CDC42BPG: variants seen among roughly 807,000 people sequenced by gnomAD.
The protein encoded by CDC42BPG is serine/threonine-protein kinase MRCK gamma.
In CDC42BPG, 157 loss-of-function variants were observed where a neutral mutation model predicts 192.2. The ratio of observed to expected loss-of-function variants is 0.82; its 90% CI spans 0.72 to 0.93. The LOEUF is 0.93. Ranked by LOEUF, CDC42BPG falls within the 40% of genes least tolerant of loss-of-function variation. The probability of loss-of-function intolerance (pLI) is 0.00; values close to 1 mark genes in which losing one functional copy is unlikely to be tolerated. For synonymous variants in CDC42BPG, 981 were observed against 918.5 expected (o/e 1.07, Z -1.23); for missense variants, 1,992 against 2,122.1 (o/e 0.94, Z 1.20).
chr11:64,827,438 C>T (rs763695044), intron 32 of CDC42BPG, 40 bp from the exon 33 acceptor site: 1 of 1,605,606 alleles, frequency 6.2e-7, no homozygotes, highest in South Asian at 1.1e-5. Context: ...CTCACACATT[C>T]CCGGGGCCCA....
rs141134240 is a variant in CDC42BPG, at chr11:64,839,535, G to A, written c.618C>T (p.Asn206=). The A allele has an allele frequency of 1.2e-4, 200 of 1,613,110 alleles. No homozygotes were observed. Among genetic ancestry groups the A allele is most frequent in the African/African-American group, 7.2e-4 (54 of 75,074 alleles). The part of the protein sequence containing the change: ...VKPDNVLLDV[N]GHIRLADFGS... The stretch of plus-strand genomic sequence containing the variant: ...CGAAGTCAGCCAGGCGAATGTGCCC[G>A]TTCACATCCAGCAGGACGTTGTCTG... Residue 206 remains asparagine (N), a synonymous_variant, in exon 6 of 37, where the codon AAC becomes AAT. Transcript: ENST00000342711.
chr11:64,825,033 C>T (rs1414744869), intron 36 of CDC42BPG, among the ~76,000 whole-genome samples: 3 of 152,104 alleles, frequency 2.0e-5, no homozygotes, highest in Non-Finnish European at 2.9e-5. Context: ...TCTCCTGCCT[C>T]GGCCCACCAG....
intron 3 of CDC42BPG, among the ~76,000 whole-genome samples, chr11:64,841,172 G>C (rs1943264905): frequency 6.8e-6 from 1 of 146,716 alleles, no homozygotes; most frequent in Non-Finnish European, 1.5e-5. Context: ...TTTATTGTAG[G>C]CTGGGCACGG....
intron 6 of CDC42BPG, 55 bp downstream of exon 6, chr11:64,839,423 T>G: frequency 7.7e-7 from 1 of 1,300,436 alleles, no homozygotes; most frequent in South Asian, 1.3e-5. Flanking sequence ...CCCATTTTCC[T>G]GAGAGCTTGG....
intron 28 of CDC42BPG, among the ~76,000 whole-genome samples, chr11:64,830,838 G>A (rs1942651090): frequency 1.3e-5 from 2 of 152,238 alleles, no homozygotes; most frequent in Non-Finnish European, 2.9e-5. Context: ...ATGTTATGAG[G>A]CTCTGGGTGG....
intron 30 of CDC42BPG, 120 bp downstream of exon 30, chr11:64,829,351 G>C: frequency 7.7e-7 from 1 of 1,302,458 alleles, no homozygotes; most frequent in Non-Finnish European, 1.1e-6. Context: ...TGTTGGGCTG[G>C]AGGATGCAAA....
At chr11:64,830,117 G>A in intron 29 of CDC42BPG, 47 bp from the exon 30 acceptor site, 2 of 1,611,662 alleles carry the variant, frequency 1.2e-6, no homozygotes, top group Non-Finnish European at 1.7e-6. Flanking sequence ...TGGTTGAAGA[G>A]TGACCCATCC....
chr11:64,830,876 G>C (rs1165162835), intron 28 of CDC42BPG, among the ~76,000 whole-genome samples: 1 of 152,210 alleles, frequency 6.6e-6, no homozygotes, highest in Non-Finnish European at 1.5e-5. Flanking sequence ...CAGTCCCCCA[G>C]CTTGTAGTGA....
intron 3 of CDC42BPG, 128 bp downstream of exon 3, chr11:64,841,522 C>G (rs1592725816): frequency 4.2e-6 from 3 of 708,548 alleles, no homozygotes. Flanking sequence ...TCAGTGGCTG[C>G]TGAGGGTGGC....
At position 64,836,108 on chromosome 11, in the gene CDC42BPG, G is replaced by T; in HGVS notation, c.1668+9C>A. On this transcript the variant is annotated intron_variant, in intron 13 of 36. Coordinates refer to ENST00000342711, the MANE Select transcript of CDC42BPG (RefSeq NM_017525.3). ...CCAGGTGCTGTCCCTACCCACCCTG[G>T]TCACTCACCTCCCTCTGGGCAGCCC... The T allele has an allele frequency of 1.3e-6, 2 of 1,594,254 alleles. No individual in the cohort carries two copies. Among genetic ancestry groups the T allele is most frequent in the Admixed American group, 1.7e-5 (1 of 57,968 alleles).
intron 17 of CDC42BPG, 30 bp downstream of exon 17, chr11:64,835,017 T>A (rs1942908806): frequency 6.6e-7 from 1 of 1,512,044 alleles, no homozygotes; most frequent in Non-Finnish European, 9.1e-7. Flanking sequence ...TCGCCTGCGT[T>A]CCCCACCCCG....
chr11:64,838,724 T>C lies in CDC42BPG; in HGVS notation c.1055A>G (p.Tyr352Cys). 3 of 1,613,010 alleles carry C rather than the reference T, an allele frequency of 1.9e-6. No homozygotes were observed. Among genetic ancestry groups the C allele is most frequent in the Non-Finnish European group, 1.7e-6 (2 of 1,180,002 alleles). ...CATGGGCCCCCGCAGCTCAGGAATA[T>C]AGGGGGCCGTGCTGCTCGCCAGCCG... Reference protein sequence around the residue: ...WERLASSTAPYIPELRGPMDT... With the variant: ...WERLASSTAPCIPELRGPMDT... Residue 352 changes from tyrosine to cysteine, a missense_variant, in exon 8 of 37, where the codon TAT becomes TGT. Physicochemically the swap from Tyr to Cys is radical, Grantham distance 194. Coordinates refer to ENST00000342711, the MANE Select transcript of CDC42BPG (RefSeq NM_017525.3).
intron 24 of CDC42BPG, 48 bp from the exon 25 acceptor site, chr11:64,833,007 A>G: frequency 6.7e-7 from 1 of 1,493,278 alleles, no homozygotes; most frequent in Non-Finnish European, 8.9e-7. Context: ...GGGAGGGGAC[A>G]GCCCCAAACC....
intron 30 of CDC42BPG, 23 bp from the exon 31 acceptor site, chr11:64,827,806 T>G: frequency 6.3e-7 from 1 of 1,574,902 alleles, no homozygotes; most frequent in Non-Finnish European, 8.6e-7. Flanking sequence ...CAGGCACCTC[T>G]GAGCTGTTTC....
rs1315540856 is a variant in CDC42BPG at position 64,829,567 on chromosome 11, G to A, written c.3871C>T (p.Leu1291=). ...GAVELSLSEF[L]LLFTTAGIYV... is the part of the protein sequence containing the mutation. ...ATGCCAGCAGTGGTGAAGAGTAGCA[G>A]GAACTCGCTGAGGCTAAGCTCCACG... The change falls in exon 30 of 37, where the codon CTG becomes TTG. Residue 1291 remains leucine (L), a synonymous_variant. Transcript: ENST00000342711. The A allele has an allele frequency of 6.2e-7, 1 of 1,612,692 alleles. No individual in the cohort carries two copies.
intron 6 of CDC42BPG, 120 bp downstream of exon 6, chr11:64,839,358 G>C (rs1943174596): frequency 3.3e-6 from 5 of 1,495,660 alleles, no homozygotes; most frequent in Non-Finnish European, 4.6e-6. Context: ...CTGGGGCCTG[G>C]GTCTCACCCA....
intron 3 of CDC42BPG, 143 bp from the exon 4 acceptor site, chr11:64,840,791 C>T (rs542323804): frequency 3.6e-5 from 25 of 700,598 alleles, no homozygotes; most frequent in Admixed American, 2.2e-4. Flanking sequence ...TGTCTGGCTG[C>T]GACTGAGCCC....
chr11:64,838,093 T>C lies in CDC42BPG; in HGVS notation c.1195A>G (p.Thr399Ala). 6.4e-7 allele frequency: 1 copy of C among 1,551,090 alleles called. No individual in the cohort carries two copies. Among genetic ancestry groups the C allele is most frequent in the Non-Finnish European group, 8.7e-7 (1 of 1,147,520 alleles). The change falls in exon 9 of 37, where the codon ACC becomes GCC. Residue 399 changes from threonine to alanine, a missense_variant. By Grantham distance (58) the Thr-to-Ala change is moderately conservative. This residue lies in a region of CDC42BPG where 1,656 missense variants were observed against 1,844.3 expected (regional missense o/e 0.90). Transcript: ENST00000342711. ...HHLPFVGFTY[T>A]SGSHSPESSS... ...GAGGACTAGCCTCACCTGCCTGAGG[T>C]GTAGGTGAAGCCCACGAATGGCAGG... is the stretch of plus-strand genomic sequence containing the variant.
At position 64,843,543 on chromosome 11, in the gene CDC42BPG, G is replaced by A. The variant is rs80094634; in HGVS notation, c.160+867C>T. On this transcript the variant is annotated intron_variant, in intron 1 of 36. Transcript: ENST00000342711. ...CCCAGAGCTCAGGAGTGCCAGGAAC[G>A]CTAGTTGCCCACTGGGCAAACACCT... Among the ~76,000 whole-genome samples the A allele has an allele frequency of 0.012, 1,790 of 152,246 alleles. 78 individuals are homozygous for A. In the East Asian group the frequency reaches 0.15, roughly 12 times the overall value.
Sources: allele counts gnomAD v4.1 joint callset (sites outside exome capture counted in the v4.1 genomes callset), GRCh38; gene constraint gnomAD v4.1.1; regional missense constraint gnomAD v4.1.1; transcripts MANE v1.5; gene names NCBI Gene and HGNC (gene_info 2026-07-23, HGNC 2026-07-21).